CDH13: variants seen among roughly 807,000 people sequenced by gnomAD.
The protein encoded by CDH13 is cadherin-13.
A neutral mutation model predicts 63.8 loss-of-function variants in CDH13; 24 were observed. The observed-to-expected ratio is 0.38, with a 90% CI of 0.27 to 0.53. The LOEUF is 0.53. CDH13 is among the 20% of genes least tolerant of loss of function. The probability of loss-of-function intolerance (pLI) is 0.85; values close to 1 mark genes in which losing one functional copy is unlikely to be tolerated. For missense variants in CDH13, 1,049 were observed against 903.1 expected (o/e 1.16, Z -2.07); for synonymous variants, 503 against 355.3 (o/e 1.42, Z -4.67).
intron 6 of CDH13, among the ~76,000 whole-genome samples, chr16:83,427,013 G>A (rs758107320): frequency 2.3e-5 from 3 of 128,746 alleles, no homozygotes; most frequent in Non-Finnish European, 4.7e-5. Context: ...TGCAAGCTCC[G>A]CCTCCCAGGT....
At chr16:82,856,249 G>A (rs1243552142) in intron 1 of CDH13, among the ~76,000 whole-genome samples, 1 of 151,566 alleles carries the variant, frequency 6.6e-6, no homozygotes, top group Non-Finnish European at 1.5e-5. Context: ...GGTGGCGGGC[G>A]CCTGTAGTCC....
At chr16:83,296,071 A>G (rs1451133827) in intron 5 of CDH13, among the ~76,000 whole-genome samples, 3 of 152,182 alleles carry the variant, frequency 2.0e-5, no homozygotes, top group African/African-American at 7.2e-5. Context: ...ATAAGCTCCT[A>G]TGTACAGATA....
intron 8 of CDH13, among the ~76,000 whole-genome samples, chr16:83,650,371 C>T (rs1912254316): frequency 6.6e-6 from 1 of 152,158 alleles, no homozygotes; most frequent in African/African-American, 2.4e-5. Context: ...GATTCAATTA[C>T]CCCAGAAAAT....
chr16:83,141,677 C>T (rs963717330), intron 4 of CDH13, among the ~76,000 whole-genome samples: 1 of 152,062 alleles, frequency 6.6e-6, no homozygotes, highest in Non-Finnish European at 1.5e-5. Flanking sequence ...TTGTCCCCAA[C>T]CCCCAACAGG....
intron 2 of CDH13, among the ~76,000 whole-genome samples, chr16:82,991,229 C>G (rs537516224): frequency 8.2e-4 from 125 of 152,276 alleles, no homozygotes; most frequent in Non-Finnish European, 1.3e-3. Context: ...ACACATTCAA[C>G]TGAAAAATTG....
intron 10 of CDH13, among the ~76,000 whole-genome samples, chr16:83,729,277 A>G (rs565663636): frequency 1.3e-4 from 20 of 152,340 alleles, no homozygotes; most frequent in African/African-American, 4.6e-4. Flanking sequence ...TGCATATTAT[A>G]CATATGTGTA....
In CDH13 at chr16:83,635,332, C is replaced by CTTTT. The variant is rs71148847; in HGVS notation, c.1101+32764_1101+32767dup. Among the ~76,000 whole-genome samples, 106 of 46,762 alleles carry CTTTT rather than the reference C, an allele frequency of 2.3e-3. 1 individual carries two copies. Among genetic ancestry groups the CTTTT allele is most frequent in the Middle Eastern group, 0.033 (1 of 30 alleles). The allele number at this position is 46,762 out of a possible 152,430, so 30.7% of individuals were successfully genotyped here. ...ACTTTAACTTTTGCCCATTTTCTTT[C>CTTTT]TTTTTTTTTTTTTTTTTTTTTTTTT... On this transcript the variant is annotated intron_variant, in intron 8 of 13. Transcript: ENST00000567109.
In CDH13 at chr16:82,659,982, G is replaced by T. The variant is rs540706647; in HGVS notation, c.45+32845G>T. Among the ~76,000 whole-genome samples, 45 of 152,296 alleles carry T rather than the reference G, an allele frequency of 3.0e-4. No individual in the cohort carries two copies. In the South Asian group the frequency reaches 9.1e-3, roughly 31 times the overall value. ...CCCCATTGAGAACCACTGCTTTAGG[G>T]GAATACTTAAGAAGTTGAGGCATAT... is the stretch of plus-strand genomic sequence containing the variant. On this transcript the variant is annotated intron_variant, in intron 1 of 13. Transcript: ENST00000567109.
intron 8 of CDH13, among the ~76,000 whole-genome samples, chr16:83,663,023 A>G (rs1014090426): frequency 2.0e-5 from 3 of 152,210 alleles, no homozygotes; most frequent in Non-Finnish European, 4.4e-5. Context: ...CTCCATGCAT[A>G]TTGGATTTCT....
At chr16:82,967,979 C>T (rs58846369) in intron 2 of CDH13, among the ~76,000 whole-genome samples, 17,853 of 152,102 alleles carry the variant, frequency 0.12, 1,297 homozygotes, top group African/African-American at 0.21. Flanking sequence ...GCCCTCCTGC[C>T]CCACCAAAAA....
At chr16:83,523,539 C>T (rs7498894) in intron 7 of CDH13, among the ~76,000 whole-genome samples, 26,123 of 152,174 alleles carry the variant, frequency 0.17, 2,585 homozygotes, top group Middle Eastern at 0.27. Context: ...GTGCCCCCCA[C>T]ACCAGGACTC....
chr16:83,073,816 A>G (rs184158942), intron 3 of CDH13, among the ~76,000 whole-genome samples: 1 of 152,102 alleles, frequency 6.6e-6, no homozygotes, highest in Non-Finnish European at 1.5e-5. Flanking sequence ...ACAGTACAGC[A>G]TAGCAATTGT....
intron 5 of CDH13, among the ~76,000 whole-genome samples, chr16:83,273,968 G>A (rs2088904891): frequency 6.6e-6 from 1 of 152,130 alleles, no homozygotes; most frequent in Non-Finnish European, 1.5e-5. Flanking sequence ...AGGCGGCAGT[G>A]CAGGTTTTGC....
chr16:82,795,329 G>C (rs1277693357), intron 1 of CDH13, among the ~76,000 whole-genome samples: 1 of 152,180 alleles, frequency 6.6e-6, no homozygotes, highest in African/African-American at 2.4e-5. Context: ...AGTTAATACA[G>C]AGACCACATT....
At chr16:82,988,663 G>A (rs1019523920) in intron 2 of CDH13, among the ~76,000 whole-genome samples, 5 of 151,658 alleles carry the variant, frequency 3.3e-5, no homozygotes, top group Admixed American at 2.0e-4. Flanking sequence ...CTGGAGGCCC[G>A]AGACAGGAGA....
chr16:82,830,145 C>T (rs2038464683), intron 1 of CDH13, among the ~76,000 whole-genome samples: 1 of 152,138 alleles, frequency 6.6e-6, no homozygotes. Context: ...GGTGGCAGGG[C>T]TGGGATCCAT....
At chr16:83,145,336 GT>G in intron 4 of CDH13, among the ~76,000 whole-genome samples, 1 of 152,312 alleles carries the variant, frequency 6.6e-6, no homozygotes, top group East Asian at 1.9e-4. Context: ...AAACCCAACA[GT>G]TATGACTCTG....
At chr16:82,919,087 C>T (rs899312487) in intron 2 of CDH13, among the ~76,000 whole-genome samples, 1 of 152,010 alleles carries the variant, frequency 6.6e-6, no homozygotes. Flanking sequence ...TTTTATAGTA[C>T]TCATAGTAAT....
intron 1 of CDH13, among the ~76,000 whole-genome samples, chr16:82,751,946 G>A (rs2034435081): frequency 1.3e-5 from 2 of 152,188 alleles, no homozygotes; most frequent in African/African-American, 4.8e-5. Context: ...GAATTTATCG[G>A]TTGTATCTGT....
Sources: allele counts gnomAD v4.1 joint callset (sites outside exome capture counted in the v4.1 genomes callset), GRCh38; gene constraint gnomAD v4.1.1; transcripts MANE v1.5; gene names NCBI Gene and HGNC (gene_info 2026-07-23, HGNC 2026-07-21).